SVEP1: variants seen among roughly 807,000 people sequenced by gnomAD.
SVEP1 encodes sushi, von Willebrand factor type A, EGF and pentraxin domain containing 1.
SVEP1 carries 164 observed loss-of-function variants against 367.3 expected under a neutral mutation model. The ratio of observed to expected loss-of-function variants is 0.45; its 90% CI spans 0.39 to 0.51. The LOEUF is 0.51. Among genes scored for constraint, SVEP1 ranks in the 20% least tolerant of loss-of-function variants. SVEP1 has a pLI of 0.00. For synonymous variants in SVEP1, 1,666 were observed against 1,611.6 expected, an observed-to-expected ratio of 1.03 and a Z score of -0.81; for missense variants, 4,117 against 4,425.3, an observed-to-expected ratio of 0.93 and a Z score of 1.98.
chr9:110,524,030 T>C (rs1371132932), intron 3 of SVEP1, among the ~76,000 whole-genome samples: 3 of 152,104 alleles, frequency 2.0e-5, no homozygotes, highest in African/African-American at 4.8e-5. Flanking sequence ...TATGCACAGC[T>C]CTACTTACAT....
At position 110,386,148 on chromosome 9, in the gene SVEP1, G is replaced by A. The variant is rs1006319895; in HGVS notation, c.10061-74C>T. 4 of 1,515,916 alleles carry A rather than the reference G, an allele frequency of 2.6e-6. No homozygotes were observed. In the African/African-American group the frequency reaches 5.5e-5, roughly 21 times the overall value. 93.9% of individuals were successfully genotyped at this position (1,515,916 alleles called of 1,614,324 possible). A position where few individuals can be genotyped will look rare whatever the true frequency, so the allele number is the denominator to read the frequency against. Reference sequence around the variant, plus strand: ...AATGTATTTCTTTGAAGGTGGAGTAGTAGTCCTATAAGAGATGGGTTCTCA... The same window carrying A: ...AATGTATTTCTTTGAAGGTGGAGTAATAGTCCTATAAGAGATGGGTTCTCA... On this transcript the variant is annotated intron_variant, in intron 42 of 47. Transcript: ENST00000374469.
At chr9:110,442,467 T>C (rs1290833254) in intron 27 of SVEP1, 1 of 151,086 alleles carries the variant, frequency 6.6e-6, no homozygotes, top group African/African-American at 2.4e-5. Flanking sequence ...TTTTCTTTTT[T>C]TTTTTTTTTT....
intron 3 of SVEP1, among the ~76,000 whole-genome samples, chr9:110,531,033 C>T (rs73534519): frequency 0.015 from 2,273 of 152,238 alleles, 63 homozygotes; most frequent in African/African-American, 0.052. Flanking sequence ...TGCCACCTTG[C>T]ACATCTATTC....
At chr9:110,556,673 G>A (rs1228876158) in intron 1 of SVEP1, among the ~76,000 whole-genome samples, 1 of 151,832 alleles carries the variant, frequency 6.6e-6, no homozygotes, top group East Asian at 1.9e-4. Flanking sequence ...TTTTTGTATT[G>A]AGTTGGGGTT....
At chr9:110,467,839 T>TTG (rs1326869485) in intron 17 of SVEP1, among the ~76,000 whole-genome samples, 1 of 152,134 alleles carries the variant, frequency 6.6e-6, no homozygotes, top group Non-Finnish European at 1.5e-5. Context: ...TTTTGCCATG[T>TTG]TGCCCAGGCT....
rs1588037764 is a variant in SVEP1 at position 110,406,783 on chromosome 9, T to C, written c.8817A>G (p.Ala2939=). Residue 2939 remains alanine, a synonymous_variant, in exon 38 of 48, where the codon GCA becomes GCG. Transcript: ENST00000374469. ...TGACTGGTTTACAGAGAGGAATCTC[T>C]GCATCCCAGTTGCCATCTGACTGAC... The part of the protein sequence containing the change: ...LTCQSDGNWD[A]EIPLCKPVNC... 1.2e-6 allele frequency: 2 copies of C among 1,614,046 alleles called. No individual in the cohort carries two copies. The highest frequency in any genetic ancestry group is 1.7e-6 in the Non-Finnish European group (2 of 1,179,892).
chr9:110,387,562 T>C, intron 41 of SVEP1, 104 bp from the exon 42 acceptor site: 1 of 1,264,646 alleles, frequency 7.9e-7, no homozygotes, highest in Non-Finnish European at 1.1e-6. Context: ...TAAAATATTA[T>C]GGCCTACTCA....
intron 40 of SVEP1, 74 bp downstream of exon 40, chr9:110,400,780 G>A (rs1588034717): frequency 2.7e-6 from 4 of 1,454,796 alleles, no homozygotes; most frequent in Admixed American, 2.4e-5. Context: ...AAACAAATTT[G>A]TGCTAATACT....
intron 3 of SVEP1, among the ~76,000 whole-genome samples, chr9:110,516,245 A>C (rs1829802550): frequency 6.6e-6 from 1 of 150,752 alleles, no homozygotes; most frequent in Admixed American, 6.6e-5. Context: ...TAAAACTAAA[A>C]CATTACAATA....
chr9:110,568,260 C>T (rs73534555), intron 1 of SVEP1, among the ~76,000 whole-genome samples: 2,565 of 152,284 alleles, frequency 0.017, 75 homozygotes, highest in African/African-American at 0.059. Flanking sequence ...GGCACAGGGG[C>T]AAATCAAGGC....
chr9:110,394,055 C>A (rs1827715770), intron 40 of SVEP1, among the ~76,000 whole-genome samples: 1 of 152,344 alleles, frequency 6.6e-6, no homozygotes, highest in East Asian at 1.9e-4. Flanking sequence ...AGGCAGACTG[C>A]CTCCTCAAGT....
chr9:110,516,341 A>G (rs1219589553), intron 3 of SVEP1, among the ~76,000 whole-genome samples: 1 of 151,810 alleles, frequency 6.6e-6, no homozygotes, highest in Admixed American at 6.6e-5. Context: ...ACTTTGTTTA[A>G]AAACAAAAGA....
chr9:110,443,639 G>A lies in SVEP1; in HGVS notation c.4545C>T (p.Ile1515=). 6.2e-7 allele frequency: 1 copy of A among 1,613,462 alleles called. No individual in the cohort carries two copies. Among genetic ancestry groups the A allele is most frequent in the Non-Finnish European group, 8.5e-7 (1 of 1,179,682 alleles). The change falls in exon 27 of 48, where the codon ATC becomes ATT. Residue 1515 remains isoleucine, a synonymous_variant. Transcript: ENST00000374469. ...VNDGRWHHIA[I]TWTSANGIWK... Reference sequence around the variant, plus strand: ...AGATGCCATTGGCACTTGTCCAAGTGATTGCAATATGATGCCATCTGCCAT... The same window carrying A: ...AGATGCCATTGGCACTTGTCCAAGTAATTGCAATATGATGCCATCTGCCAT...
intron 23 of SVEP1, among the ~76,000 whole-genome samples, 177 bp downstream of exon 23, chr9:110,451,112 C>A (rs1017696255): frequency 1.3e-5 from 2 of 152,096 alleles, no homozygotes; most frequent in Non-Finnish European, 2.9e-5. Context: ...CCTGCATGCC[C>A]TTTTACCCCA....
intron 1 of SVEP1, among the ~76,000 whole-genome samples, chr9:110,573,181 TAA>T (rs5741690): frequency 2.1e-5 from 3 of 145,110 alleles, no homozygotes; most frequent in African/African-American, 2.5e-5. Context: ...CCCCTTCCTA[TAA>T]AAAAAAAAAG....
chr9:110,571,498 G>C (rs1444268829), intron 1 of SVEP1, among the ~76,000 whole-genome samples: 1 of 152,172 alleles, frequency 6.6e-6, no homozygotes, highest in African/African-American at 2.4e-5. Flanking sequence ...GAGGTGACCT[G>C]AAGATGATGG....
intron 1 of SVEP1, among the ~76,000 whole-genome samples, chr9:110,564,328 T>C (rs892856937): frequency 6.6e-6 from 1 of 152,176 alleles, no homozygotes; most frequent in Non-Finnish European, 1.5e-5. Context: ...TAATGTCTTC[T>C]TACCAGGTAT....
intron 6 of SVEP1, among the ~76,000 whole-genome samples, chr9:110,500,260 T>C (rs1261147740): frequency 6.6e-6 from 1 of 152,206 alleles, no homozygotes; most frequent in African/African-American, 2.4e-5. Flanking sequence ...TAGTCTACTT[T>C]GATCAACAGG....
Position 110,411,159 on chromosome 9 carries a change from GCT to G in SVEP1, c.6550_6551del (p.Ser2184HisfsTer10). On this transcript the variant is annotated frameshift_variant, in exon 37 of 48. Transcript: ENST00000374469. LOFTEE classifies it high-confidence loss of function. ...KGFYIKGEKKSTCEATGQWSS... is the reference protein window; with the variant it reads ...KGFYIKGEKKXTCEATGQWSS... Reference sequence around the variant, plus strand: ...TCCACTGCCCTGTGGCTTCGCAGGTGCTCTTCTTTTCCCCTTTGATGTAGAAC... The same window carrying G: ...TCCACTGCCCTGTGGCTTCGCAGGTGCTTCTTTTCCCCTTTGATGTAGAAC... 6.2e-7 allele frequency: 1 copy of G among 1,614,000 alleles called. No individual in the cohort carries two copies. Among genetic ancestry groups the G allele is most frequent in the Non-Finnish European group, 8.5e-7 (1 of 1,179,894 alleles).
Sources: allele counts gnomAD v4.1 joint callset (sites outside exome capture counted in the v4.1 genomes callset), GRCh38; gene constraint gnomAD v4.1.1; transcripts MANE v1.5; gene names NCBI Gene and HGNC (gene_info 2026-07-23, HGNC 2026-07-21).